PDXDC1: variants seen among roughly 807,000 people sequenced by gnomAD.
PDXDC1 encodes pyridoxal dependent decarboxylase domain containing 1.
A neutral mutation model predicts 100.1 loss-of-function variants in PDXDC1; 42 were observed. That is an observed-to-expected ratio of 0.42 (90% CI 0.33 to 0.54). PDXDC1 has a LOEUF of 0.54. PDXDC1 is among the 20% of genes least tolerant of loss of function. The pLI is 0.10. For synonymous variants in PDXDC1, 260 were observed against 371.7 expected, an observed-to-expected ratio of 0.70 and a Z score of 3.46; for missense variants, 636 against 979.2, an observed-to-expected ratio of 0.65 and a Z score of 4.68.
At chr16:15,137,354 C>T (rs2048380321) in intron 16 of PDXDC1, 4 of 1,515,100 alleles carry the variant, frequency 2.6e-6, no homozygotes. Flanking sequence ...GAAGGAGGCA[C>T]TAGAGGGCTG....
At chr16:14,975,803 CCCGCT>C (rs1966743295) in intron 1 of PDXDC1, among the ~76,000 whole-genome samples, 1 of 152,272 alleles carries the variant, frequency 6.6e-6, no homozygotes, top group Non-Finnish European at 1.5e-5. Context: ...CCGCCACCGC[CCCGCT>C]CCCACTCCGC....
chr16:15,106,686 C>T (rs2046816932), intron 16 of PDXDC1, among the ~76,000 whole-genome samples: 1 of 141,974 alleles, frequency 7.0e-6, no homozygotes, highest in Admixed American at 7.3e-5. Context: ...ACCTGGGAGG[C>T]GGAGGTTGCA....
intron 16 of PDXDC1, among the ~76,000 whole-genome samples, chr16:15,070,426 G>A: frequency 6.6e-6 from 1 of 151,724 alleles, no homozygotes; most frequent in Non-Finnish European, 1.5e-5. Context: ...AAGGATGGGT[G>A]CGTAGGAAGA....
the PDXDC1 span, among the ~76,000 whole-genome samples, chr16:15,147,876 C>T: frequency 5.3e-5 from 8 of 152,114 alleles, no homozygotes; most frequent in South Asian, 2.1e-4. Flanking sequence ...TTTAGTAGAA[C>T]GGGTTTCACC....
In PDXDC1 at chr16:15,097,516, C is replaced by G. The variant is rs570472252; in HGVS notation, c.1400-41363C>G. ...AATGTGCCGGGCGTGGTGGCAGGCA[C>G]TTGTAATCCCAGCTACTTGGGAAGC... On this transcript the variant is annotated intron_variant, in intron 16 of 16. Coordinates refer to the PDXDC1 transcript ENST00000535621. Among the ~76,000 whole-genome samples, 7 of 146,984 alleles carry G rather than the reference C, an allele frequency of 4.8e-5. No individual in the cohort carries two copies. In the East Asian group the frequency reaches 1.0e-3, roughly 21 times the overall value.
chr16:15,027,312 C>T (rs557062301), intron 14 of PDXDC1, among the ~76,000 whole-genome samples: 35 of 152,394 alleles, frequency 2.3e-4, no homozygotes, highest in African/African-American at 4.8e-4. Flanking sequence ...AGCATACAGA[C>T]GGGCAGGCTG....
intron 16 of PDXDC1, chr16:15,131,590 A>C (rs1800568): frequency 5.1e-6 from 8 of 1,570,284 alleles, no homozygotes; most frequent in South Asian, 3.3e-5. Context: ...GAGGATGCGC[A>C]TGAGGGCAGA....
chr16:14,987,811 T>A lies in PDXDC1; in HGVS notation c.22-9942T>A, dbSNP rs575795717. On this transcript the variant is annotated intron_variant, in intron 1 of 22. Coordinates refer to ENST00000396410, the MANE Select transcript of PDXDC1 (RefSeq NM_015027.4). ...ATTTTTAGTAGAGACGGGGTTTTGC[T>A]ATGTTGGCCAGGCTGGTCTCAAGCA... Among the ~76,000 whole-genome samples, 115 of 152,306 alleles carry A rather than the reference T, an allele frequency of 7.6e-4. No individual in the cohort carries two copies. The South Asian group carries it at 0.014, about 19-fold the overall frequency.
chr16:15,022,706 T>A lies in PDXDC1; in HGVS notation c.1092T>A (p.Ser364Arg), dbSNP rs2042298364. 1 of 1,612,616 alleles carries A rather than the reference T, an allele frequency of 6.2e-7. No individual in the cohort carries two copies. The highest frequency in any genetic ancestry group is 8.5e-7 in the Non-Finnish European group (1 of 1,179,358). ...VERIKHACQL[S>R]QRLQESLKKV... is the part of the protein sequence containing the mutation. Reference sequence around the variant, plus strand: ...GTGTTATTTTTTGTCATTTGCAGAGTCAACGGTTGCAGGAAAGTTTGAAGA... The same window carrying A: ...GTGTTATTTTTTGTCATTTGCAGAGACAACGGTTGCAGGAAAGTTTGAAGA... The change falls in exon 13 of 23, where the codon AGT becomes AGA. Residue 364 changes from serine to arginine, a missense_variant and splice_region_variant. By Grantham distance (110) the Ser-to-Arg change is moderately radical. Coordinates refer to ENST00000396410, the MANE Select transcript of PDXDC1 (RefSeq NM_015027.4).
In PDXDC1 at chr16:15,070,240, C is replaced by T. The variant is rs2045163832; in HGVS notation, c.1399+40184C>T. The T allele has an allele frequency of 6.2e-7, 1 of 1,611,182 alleles. No individual in the cohort carries two copies. Among genetic ancestry groups the T allele is most frequent in the Non-Finnish European group, 8.5e-7 (1 of 1,179,772 alleles). On this transcript the variant is annotated intron_variant, in intron 16 of 16. Transcript: ENST00000535621. ...CAGCCAGTTAACCAAAAGATCTAGG[C>T]ATGATTTTACAGTACTAGAGAAAAG...
intron 16 of PDXDC1, chr16:15,133,231 C>G: frequency 7.3e-7 from 1 of 1,365,878 alleles, no homozygotes; most frequent in South Asian, 1.2e-5. Context: ...ACGCATGCAG[C>G]AGATGTGAGG....
intron 16 of PDXDC1, among the ~76,000 whole-genome samples, chr16:15,073,662 C>T (rs2045334778): frequency 6.6e-6 from 1 of 152,106 alleles, no homozygotes; most frequent in African/African-American, 2.4e-5. Context: ...ACCTCTAATC[C>T]GATCATTTTA....
At chr16:15,091,185 C>T (rs1026809356) in intron 16 of PDXDC1, 2 of 1,030,726 alleles carry the variant, frequency 1.9e-6, no homozygotes. Context: ...TGGTTGAGAA[C>T]CACCAGATTA....
At chr16:14,975,001 G>A, upstream of PDXDC1, 1 of 1,535,078 alleles carries the variant, frequency 6.5e-7, no homozygotes, top group Non-Finnish European at 8.7e-7. Context: ...GCTCCGCCCA[G>A]CGCTACGGGG....
intron 16 of PDXDC1, chr16:15,094,458 A>C: frequency 1.7e-6 from 1 of 580,460 alleles, no homozygotes; most frequent in South Asian, 2.2e-5. Context: ...GTATAAGGAG[A>C]GACGGGAAGG....
chr16:15,048,545 G>A (rs1426021787), intron 16 of PDXDC1, among the ~76,000 whole-genome samples: 1 of 151,918 alleles, frequency 6.6e-6, no homozygotes, highest in African/African-American at 2.4e-5. Context: ...TAAAGAGTGT[G>A]AGACTCTTAA....
At position 15,026,645 on chromosome 16, in the gene PDXDC1, G is replaced by T; in HGVS notation, c.1143G>T (p.Val381=). The part of the protein sequence containing the change: ...LKKVNYIKIL[V]EDELSSPVVV... ...ATATGAGACTTCCATTCTTCCAGGT[G>T]GAAGATGAGCTCAGCTCCCCAGTGG... The change falls in exon 14 of 23, where the codon GTG becomes GTT. Residue 381 remains valine, a splice_region_variant and synonymous_variant. Transcript: ENST00000396410. 1 of 1,613,184 alleles carries T rather than the reference G, an allele frequency of 6.2e-7. No individual in the cohort carries two copies. Among genetic ancestry groups the T allele is most frequent in the Non-Finnish European group, 8.5e-7 (1 of 1,179,296 alleles).
chr16:15,027,329 T>C (rs759359571), intron 14 of PDXDC1, among the ~76,000 whole-genome samples: 40 of 152,394 alleles, frequency 2.6e-4, no homozygotes, highest in Non-Finnish European at 5.3e-4. Context: ...GCTGTGGGGC[T>C]CCGACCCCAT....
intron 8 of PDXDC1, among the ~76,000 whole-genome samples, chr16:15,015,261 A>G (rs1015901470): frequency 6.6e-6 from 1 of 152,280 alleles, no homozygotes; most frequent in African/African-American, 2.4e-5. Flanking sequence ...ATTTTTATAA[A>G]GGGCATATCT....
Sources: allele counts gnomAD v4.1 joint callset (sites outside exome capture counted in the v4.1 genomes callset), GRCh38; gene constraint gnomAD v4.1.1; transcripts MANE v1.5; gene names NCBI Gene and HGNC (gene_info 2026-07-23, HGNC 2026-07-21).